Variants in DEFB124 observed in about 807,000 individuals in gnomAD.
DEFB124 encodes beta-defensin 124.
For synonymous variants in DEFB124, 38 were observed against 36.5 expected, an observed-to-expected ratio of 1.04 and a Z score of -0.15; for missense variants, 78 against 83.1, an observed-to-expected ratio of 0.94 and a Z score of 0.24.
At chr20:31,470,281 G>A (rs1176660290) in intron 2 of DEFB124, among the ~76,000 whole-genome samples, 4 of 146,762 alleles carry the variant, frequency 2.7e-5, no homozygotes, top group Admixed American at 1.3e-4. Context: ...CTCCCGGACG[G>A]GGCGGCTGGC....
chr20:31,467,758 A>AT (rs771125311), intron 2 of DEFB124, among the ~76,000 whole-genome samples: 2,327 of 146,882 alleles, frequency 0.016, 11 homozygotes, highest in Non-Finnish European at 0.021. Context: ...TTCTATAATA[A>AT]TTTTTTTTTT....
rs1336712813 is a variant in DEFB124, at chr20:31,470,198, C to A, written c.58+2758G>T. On this transcript the variant is annotated intron_variant, in intron 2 of 2. Coordinates refer to ENST00000317676, the MANE Select transcript of DEFB124 (RefSeq NM_001037500.2). Reference sequence around the variant, plus strand: ...CTCCCGGACGGGGCGGCTGGCCGGGCGGGGGGCTGACCCCCCCACCTCCCT... The same window carrying A: ...CTCCCGGACGGGGCGGCTGGCCGGGAGGGGGGCTGACCCCCCCACCTCCCT... Among the ~76,000 whole-genome samples, 4 of 145,304 alleles carry A rather than the reference C, an allele frequency of 2.8e-5. No individual in the cohort carries two copies. The East Asian group carries it at 8.2e-4, about 30-fold the overall frequency.
chr20:31,466,072 A>G (rs1483138342), intron 2 of DEFB124, among the ~76,000 whole-genome samples: 1 of 152,084 alleles, frequency 6.6e-6, no homozygotes, highest in Admixed American at 6.6e-5. Context: ...CAGGAGAATC[A>G]CTTGAACCCA....
rs565128426 is a variant in DEFB124, at chr20:31,469,648, T to C, written c.58+3308A>G. 4.9e-4 allele frequency among the ~76,000 whole-genome samples: 73 copies of C among 148,744 alleles called. No homozygotes were observed. The South Asian group carries it at 7.7e-3, about 16-fold the overall frequency. Reference sequence around the variant, plus strand: ...ACTTGAGATTAGGGAGTGGTGATGATTCTTAACGAGCATGCTGCCTTCAAG... The same window carrying C: ...ACTTGAGATTAGGGAGTGGTGATGACTCTTAACGAGCATGCTGCCTTCAAG... On this transcript the variant is annotated intron_variant, in intron 2 of 2. Coordinates refer to ENST00000317676, the MANE Select transcript of DEFB124 (RefSeq NM_001037500.2).
At chr20:31,471,054 C>T (rs1980271294) in intron 2 of DEFB124, among the ~76,000 whole-genome samples, 1 of 134,544 alleles carries the variant, frequency 7.4e-6, no homozygotes, top group Non-Finnish European at 1.6e-5. Context: ...GGGCGGGGGG[C>T]TGACCCCCCC....
chr20:31,472,698 T>G, intron 2 of DEFB124: 1 of 433,404 alleles, frequency 2.3e-6, no homozygotes, highest in South Asian at 5.1e-5. Context: ...CTGCTACATG[T>G]CTTTCACTGT....
intron 2 of DEFB124, among the ~76,000 whole-genome samples, chr20:31,466,392 G>T (rs935242162): frequency 6.6e-6 from 1 of 151,750 alleles, no homozygotes; most frequent in African/African-American, 2.4e-5. Context: ...CTGGGGTCAG[G>T]AGTTCGAGAC....
At chr20:31,472,835 G>A (rs1184154702) in intron 2 of DEFB124, 121 bp downstream of exon 2, 1 of 1,291,792 alleles carries the variant, frequency 7.7e-7, no homozygotes, top group African/African-American at 1.5e-5. Flanking sequence ...TCAGTGGTGG[G>A]GCCAGAACTT....
At chr20:31,473,749 C>T (rs1334858734) in intron 1 of DEFB124, among the ~76,000 whole-genome samples, 1 of 152,208 alleles carries the variant, frequency 6.6e-6, no homozygotes, top group African/African-American at 2.4e-5. Context: ...AGTTAGACCA[C>T]AGATTCACTA....
At position 31,472,713 on chromosome 20, in the gene DEFB124, A is replaced by C. The variant is rs1237342187; in HGVS notation, c.58+243T>G. The C allele has an allele frequency of 6.8e-6, 3 of 442,454 alleles. No individual in the cohort carries two copies. In the Admixed American group the frequency reaches 1.2e-4, roughly 17 times the overall value. 27.4% of individuals were successfully genotyped at this position (442,454 alleles called of 1,614,324 possible). Reference sequence around the variant, plus strand: ...CTGCTACATGTCTTTCACTGTTATTATTTCACAACCATCATAACATAAATG... The same window carrying C: ...CTGCTACATGTCTTTCACTGTTATTCTTTCACAACCATCATAACATAAATG... On this transcript the variant is annotated intron_variant, in intron 2 of 2. Coordinates refer to ENST00000317676, the MANE Select transcript of DEFB124 (RefSeq NM_001037500.2).
At chr20:31,471,571 C>T (rs1219789053) in intron 2 of DEFB124, among the ~76,000 whole-genome samples, 5 of 146,606 alleles carry the variant, frequency 3.4e-5, no homozygotes, top group Admixed American at 6.7e-5. Flanking sequence ...CCGGACGGGG[C>T]GGCTGCCGGG....
At chr20:31,468,298 G>T (rs149767823) in intron 2 of DEFB124, among the ~76,000 whole-genome samples, 1 of 152,104 alleles carries the variant, frequency 6.6e-6, no homozygotes, top group African/African-American at 2.4e-5. Context: ...ATCTTTCCTC[G>T]TATTTTCACC....
At chr20:31,467,312 G>C (rs530955975) in intron 2 of DEFB124, among the ~76,000 whole-genome samples, 123 of 152,300 alleles carry the variant, frequency 8.1e-4, no homozygotes, top group African/African-American at 2.8e-3. Flanking sequence ...CTCTTACTAA[G>C]GTAGAGAATC....
chr20:31,470,236 G>A (rs1352332329), intron 2 of DEFB124, among the ~76,000 whole-genome samples: 1 of 140,014 alleles, frequency 7.1e-6, no homozygotes, highest in Admixed American at 6.9e-5. Flanking sequence ...TGGACAAGGC[G>A]GCTGGCCGGG....
At chr20:31,466,543 T>C (rs2122444128) in intron 2 of DEFB124, among the ~76,000 whole-genome samples, 1 of 149,736 alleles carries the variant, frequency 6.7e-6, no homozygotes, top group Middle Eastern at 3.5e-3. Flanking sequence ...GAGGCTGCAG[T>C]GAGCCAAGTT....
chr20:31,470,348 C>A (rs569209716), intron 2 of DEFB124, among the ~76,000 whole-genome samples: 1 of 139,682 alleles, frequency 7.2e-6, no homozygotes, highest in Admixed American at 7.1e-5. Context: ...GCGCCCCTCA[C>A]CCCCCGGACG....
chr20:31,469,053 T>G (rs1980155831), intron 2 of DEFB124, among the ~76,000 whole-genome samples: 1 of 152,242 alleles, frequency 6.6e-6, no homozygotes, highest in African/African-American at 2.4e-5. Context: ...TGTTTAAAAC[T>G]CACCTTATTT....
In DEFB124 at chr20:31,465,478, C is replaced by A; in HGVS notation, c.*28G>T. 1 of 1,612,200 alleles carries A rather than the reference C, an allele frequency of 6.2e-7. No homozygotes were observed. The highest frequency in any genetic ancestry group is 8.5e-7 in the Non-Finnish European group (1 of 1,178,762). On this transcript the variant is annotated 3_prime_UTR_variant, in exon 3 of 3. Coordinates refer to ENST00000317676, the MANE Select transcript of DEFB124 (RefSeq NM_001037500.2). Reference sequence around the variant, plus strand: ...GCAGAAAGAAGAGACAACTGGCAACCTGTGTTTTATTGGACAGCAGGAACC... The same window carrying A: ...GCAGAAAGAAGAGACAACTGGCAACATGTGTTTTATTGGACAGCAGGAACC...
chr20:31,467,603 G>C (rs1203056090), intron 2 of DEFB124, among the ~76,000 whole-genome samples: 1 of 152,184 alleles, frequency 6.6e-6, no homozygotes, highest in African/African-American at 2.4e-5. Flanking sequence ...TGACAGCTTA[G>C]ATTGCTGGAA....
Sources: allele counts gnomAD v4.1 joint callset (sites outside exome capture counted in the v4.1 genomes callset), GRCh38; gene constraint gnomAD v4.1.1; transcripts MANE v1.5; gene names NCBI Gene and HGNC (gene_info 2026-07-23, HGNC 2026-07-21).